Variants in CABCOCO1 observed in about 807,000 individuals in gnomAD.
CABCOCO1 encodes the protein ciliary associated calcium binding coiled-coil 1, also known as ciliary-associated calcium-binding coiled-coil protein 1.
CABCOCO1 carries 28 observed loss-of-function variants against 35.7 expected under a neutral mutation model. The observed-to-expected ratio is 0.78, with a 90% CI of 0.58 to 1.07. The LOEUF (loss-of-function observed/expected upper bound fraction) is 1.07, where lower values mean the gene tolerates loss of function less well. Ranked by LOEUF, CABCOCO1 falls within the 50% of genes least tolerant of loss-of-function variation. The probability of loss-of-function intolerance (pLI) is 0.00; values close to 1 mark genes in which losing one functional copy is unlikely to be tolerated. For missense variants in CABCOCO1, 326 were observed against 309.2 expected, an observed-to-expected ratio of 1.05 and a Z score of -0.41; for synonymous variants, 95 against 100.1, an observed-to-expected ratio of 0.95 and a Z score of 0.30.
chr10:61,716,025 T>C lies in CABCOCO1; in HGVS notation c.552+25404T>C, dbSNP rs567521045. ...TTTCCTGAGGAGTATCTCTGTGGAA[T>C]TAAAATAAATGGAATTAAATTATAA... On this transcript the variant is annotated intron_variant, in intron 5 of 7. Coordinates refer to ENST00000648843, the MANE Select transcript of CABCOCO1 (RefSeq NM_001366906.2). 2.0e-3 allele frequency among the ~76,000 whole-genome samples: 301 copies of C among 152,200 alleles called. 4 individuals carry two copies. The highest frequency in any genetic ancestry group is 6.9e-3 in the African/African-American group (285 of 41,540).
chr10:61,745,854 G>A (rs898092018), intron 5 of CABCOCO1, among the ~76,000 whole-genome samples: 6 of 152,180 alleles, frequency 3.9e-5, no homozygotes, highest in Admixed American at 2.0e-4. Context: ...AAAAGGAGGA[G>A]ATGTAACAGT....
At chr10:61,750,859 C>A (rs1307895460) in intron 5 of CABCOCO1, among the ~76,000 whole-genome samples, 1 of 152,126 alleles carries the variant, frequency 6.6e-6, no homozygotes, top group East Asian at 1.9e-4. Flanking sequence ...CCAATGAATG[C>A]CCCCCGTGTA....
intron 5 of CABCOCO1, among the ~76,000 whole-genome samples, chr10:61,727,963 T>C (rs1315536892): frequency 2.0e-5 from 3 of 152,230 alleles, no homozygotes; most frequent in Non-Finnish European, 4.4e-5. Flanking sequence ...TATCAATGCC[T>C]GTAAGCATCA....
chr10:61,754,265 G>A (rs1564556866), intron 5 of CABCOCO1, among the ~76,000 whole-genome samples: 1 of 152,098 alleles, frequency 6.6e-6, no homozygotes, highest in Non-Finnish European at 1.5e-5. Flanking sequence ...CAAGTCTAAA[G>A]CCTATAATTC....
At chr10:61,760,759 T>C in intron 6 of CABCOCO1, 104 bp from the exon 7 acceptor site, 1 of 1,294,836 alleles carries the variant, frequency 7.7e-7, no homozygotes, top group Non-Finnish European at 1.0e-6. Flanking sequence ...ATCCTGGAAC[T>C]TAAAGTAAAA....
At chr10:61,727,186 A>T (rs912789026) in intron 5 of CABCOCO1, among the ~76,000 whole-genome samples, 2 of 152,208 alleles carry the variant, frequency 1.3e-5, no homozygotes, top group African/African-American at 4.8e-5. Flanking sequence ...CATAGATCTT[A>T]ACACAGGGAA....
chr10:61,676,648 A>G (rs1839519328), intron 2 of CABCOCO1, among the ~76,000 whole-genome samples: 1 of 152,210 alleles, frequency 6.6e-6, no homozygotes. Flanking sequence ...TGTATCATAA[A>G]TGTAAAGGGT....
At chr10:61,704,916 G>GT (rs1470515062) in intron 5 of CABCOCO1, among the ~76,000 whole-genome samples, 1 of 147,328 alleles carries the variant, frequency 6.8e-6, no homozygotes, top group Non-Finnish European at 1.5e-5. Context: ...TGGATTTCTG[G>GT]TTAAAAAAAA....
chr10:61,696,648 C>A (rs775249096), intron 5 of CABCOCO1, among the ~76,000 whole-genome samples: 3 of 151,946 alleles, frequency 2.0e-5, no homozygotes, highest in African/African-American at 4.8e-5. Flanking sequence ...CAGACACACA[C>A]CCTCATACCC....
chr10:61,705,366 A>G, intron 5 of CABCOCO1, among the ~76,000 whole-genome samples: 1 of 152,238 alleles, frequency 6.6e-6, no homozygotes, highest in East Asian at 1.9e-4. Context: ...GTCTGTTGCA[A>G]CCTGATTATC....
At chr10:61,668,620 TTTTC>T (rs1839262049) in intron 1 of CABCOCO1, among the ~76,000 whole-genome samples, 1 of 152,152 alleles carries the variant, frequency 6.6e-6, no homozygotes, top group South Asian at 2.1e-4. Context: ...CACAAATTTG[TTTTC>T]TTTATGTTTC....
At chr10:61,730,000 G>A (rs865886976) in intron 5 of CABCOCO1, among the ~76,000 whole-genome samples, 6 of 152,098 alleles carry the variant, frequency 3.9e-5, no homozygotes, top group Non-Finnish European at 2.9e-5. Flanking sequence ...GAGATCTCCT[G>A]CGCAACATTG....
At chr10:61,714,625 T>G (rs1672053721) in intron 5 of CABCOCO1, among the ~76,000 whole-genome samples, 1 of 152,226 alleles carries the variant, frequency 6.6e-6, no homozygotes, top group Non-Finnish European at 1.5e-5. Context: ...TTTAGATCTT[T>G]CCTGCTTTCT....
At chr10:61,742,297 G>T in intron 5 of CABCOCO1, among the ~76,000 whole-genome samples, 1 of 152,070 alleles carries the variant, frequency 6.6e-6, no homozygotes, top group Non-Finnish European at 1.5e-5. Context: ...GTACTTTATA[G>T]TGCCACCCAC....
chr10:61,720,294 A>T (rs1840972588), intron 5 of CABCOCO1, among the ~76,000 whole-genome samples: 1 of 21,550 alleles, frequency 4.6e-5, no homozygotes, highest in Non-Finnish European at 2.3e-4. Context: ...AATAAAAATA[A>T]AAAAAAACAC....
At chr10:61,679,156 C>T (rs1020532072) in intron 2 of CABCOCO1, among the ~76,000 whole-genome samples, 1 of 151,916 alleles carries the variant, frequency 6.6e-6, no homozygotes, top group African/African-American at 2.4e-5. Context: ...TTGTCAAAAC[C>T]AAGAGAATGC....
intron 5 of CABCOCO1, among the ~76,000 whole-genome samples, chr10:61,728,537 A>G (rs570659963): frequency 2.0e-5 from 3 of 152,320 alleles, no homozygotes; most frequent in South Asian, 4.1e-4. Flanking sequence ...CTTCACATTT[A>G]TATCTTCCTT....
intron 7 of CABCOCO1, among the ~76,000 whole-genome samples, chr10:61,765,135 C>A (rs1458934157): frequency 2.6e-5 from 4 of 152,114 alleles, no homozygotes; most frequent in Non-Finnish European, 4.4e-5. Context: ...CAGCGGTAGA[C>A]ATTTTAAAAA....
intron 3 of CABCOCO1, among the ~76,000 whole-genome samples, chr10:61,682,830 T>C (rs1011619357): frequency 6.0e-5 from 9 of 150,896 alleles, no homozygotes; most frequent in Admixed American, 5.3e-4. Context: ...GGCTTTGGGC[T>C]AAATCTAGAA....
Sources: gnomAD v4.1 joint callset for allele counts (sites outside exome capture counted in the v4.1 genomes callset) on GRCh38, gnomAD v4.1.1 for gene constraint, MANE v1.5 for transcripts, NCBI Gene and HGNC (gene_info 2026-07-23, HGNC 2026-07-21) for gene names.